Variants in FGF14 observed in about 807,000 individuals in gnomAD.
The protein encoded by FGF14 is fibroblast growth factor homologous factor 4.
FGF14 carries 5 observed loss-of-function variants against 25.5 expected under a neutral mutation model. The observed-to-expected ratio is 0.20, with a 90% confidence interval of 0.10 to 0.41. FGF14 has a LOEUF of 0.41. FGF14 is among the 10% of genes least tolerant of loss of function. FGF14 has a pLI of 1.00. For missense variants in FGF14, 222 were observed against 320.1 expected (o/e 0.69, Z 2.34); for synonymous variants, 138 against 118.3 (o/e 1.17, Z -1.08).
At chr13:101,912,929 T>C (rs187122659) in intron 1 of FGF14, among the ~76,000 whole-genome samples, 200 of 152,218 alleles carry the variant, frequency 1.3e-3, no homozygotes, top group African/African-American at 4.5e-3. Flanking sequence ...TGAGAGCCTA[T>C]GAAGATGCAG....
chr13:101,731,083 G>A (rs925545650), intron 3 of FGF14, among the ~76,000 whole-genome samples: 1 of 152,136 alleles, frequency 6.6e-6, no homozygotes, highest in Non-Finnish European at 1.5e-5. Flanking sequence ...GGAAGCCTGT[G>A]AGCCTTCAGT....
intron 3 of FGF14, among the ~76,000 whole-genome samples, chr13:101,727,907 A>G (rs544509809): frequency 6.6e-6 from 1 of 152,264 alleles, no homozygotes; most frequent in South Asian, 2.1e-4. Flanking sequence ...ACTAAAAAAT[A>G]TACACAAAGT....
At chr13:101,764,290 T>C (rs2139926689) in intron 3 of FGF14, among the ~76,000 whole-genome samples, 1 of 152,328 alleles carries the variant, frequency 6.6e-6, no homozygotes, top group Non-Finnish European at 1.5e-5. Flanking sequence ...GATTTGCGTA[T>C]GGCAATTTCA....
chr13:102,150,339 G>C (rs2047030104), intron 1 of FGF14, among the ~76,000 whole-genome samples: 1 of 151,768 alleles, frequency 6.6e-6, no homozygotes, highest in South Asian at 2.1e-4. Flanking sequence ...TTGTGACATA[G>C]AGTGGGGATG....
At chr13:102,060,900 C>A (rs1460843086) in intron 1 of FGF14, among the ~76,000 whole-genome samples, 1 of 152,152 alleles carries the variant, frequency 6.6e-6, no homozygotes, top group African/African-American at 2.4e-5. Context: ...TGGGCACGCA[C>A]ACAAGTAGCC....
At chr13:102,373,029 AT>A (rs2057934494) in intron 1 of FGF14, among the ~76,000 whole-genome samples, 1 of 152,128 alleles carries the variant, frequency 6.6e-6, no homozygotes, top group Non-Finnish European at 1.5e-5. Context: ...AACTACTTAA[AT>A]ATTTATCAGT....
chr13:101,880,757 G>T (rs1468078027), intron 1 of FGF14, among the ~76,000 whole-genome samples: 1 of 152,148 alleles, frequency 6.6e-6, no homozygotes, highest in African/African-American at 2.4e-5. Flanking sequence ...TTGATAATTT[G>T]CATATTACTC....
At chr13:102,013,586 T>A (rs1209959205) in intron 1 of FGF14, among the ~76,000 whole-genome samples, 1 of 152,186 alleles carries the variant, frequency 6.6e-6, no homozygotes, top group East Asian at 1.9e-4. Flanking sequence ...AAAGGAATTG[T>A]GCAATTCTTG....
At position 102,018,976 on chromosome 13, in the gene FGF14, T is replaced by C. The variant is rs565372848; in HGVS notation, c.209-143680A>G. 6.6e-4 allele frequency among the ~76,000 whole-genome samples: 100 copies of C among 152,280 alleles called. No homozygotes were observed. The Middle Eastern group carries it at 0.01, about 16-fold the overall frequency. ...GCATGCTCAATCAAGGCTGAGAATA[T>C]GTGTCATTATAATCTACCACATTCA... On this transcript the variant is annotated intron_variant, in intron 1 of 4. Transcript: ENST00000376131.
Position 101,890,198 on chromosome 13 carries a change from G to A in FGF14, c.194-14902C>T, listed in dbSNP as rs1193211789. Among the ~76,000 whole-genome samples the A allele has an allele frequency of 2.0e-5, 3 of 152,192 alleles. No individual in the cohort carries two copies. The South Asian group carries it at 6.2e-4, about 32-fold the overall frequency. The stretch of plus-strand genomic sequence containing the variant: ...ATGCGAGGGCTTCAGTACTAGATAG[G>A]AACAACTGCTTTTCTGCATATTTCA... On this transcript the variant is annotated intron_variant, in intron 1 of 4. Transcript: ENST00000376143.
At chr13:101,820,827 C>T (rs539048195) in intron 3 of FGF14, among the ~76,000 whole-genome samples, 12 of 151,232 alleles carry the variant, frequency 7.9e-5, no homozygotes, top group Non-Finnish European at 1.5e-4. Context: ...ACACACCACA[C>T]ACACAGATAC....
At chr13:102,278,222 A>G (rs1336361552) in intron 1 of FGF14, among the ~76,000 whole-genome samples, 1 of 152,212 alleles carries the variant, frequency 6.6e-6, no homozygotes, top group Non-Finnish European at 1.5e-5. Flanking sequence ...GGTTCTGAAG[A>G]GTGCCTTTCT....
At chr13:101,905,204 G>A (rs1441714625) in intron 1 of FGF14, among the ~76,000 whole-genome samples, 2 of 152,124 alleles carry the variant, frequency 1.3e-5, no homozygotes, top group African/African-American at 2.4e-5. Flanking sequence ...TCTGCATCAT[G>A]TTCTCTCAGA....
upstream of FGF14, among the ~76,000 whole-genome samples, chr13:101,917,306 C>T (rs1272494452): frequency 6.6e-6 from 1 of 152,156 alleles, no homozygotes; most frequent in Non-Finnish European, 1.5e-5. Context: ...ACACCCCCTC[C>T]ACCTATGTGG....
rs566197064 is a variant in FGF14 at position 102,199,164 on chromosome 13, G to A, written c.208+202307C>T. Reference sequence around the variant, plus strand: ...CTAATATTGCTTCATAGTGGAAACTGTCCATTTAAACTAAAATAAATCTTG... The same window carrying A: ...CTAATATTGCTTCATAGTGGAAACTATCCATTTAAACTAAAATAAATCTTG... On this transcript the variant is annotated intron_variant, in intron 1 of 4. Transcript: ENST00000376131. 9.2e-5 allele frequency among the ~76,000 whole-genome samples: 14 copies of A among 152,274 alleles called. 1 individual carries two copies. The East Asian group carries it at 2.5e-3, about 27-fold the overall frequency.
chr13:102,261,689 A>C (rs192068849), intron 1 of FGF14, among the ~76,000 whole-genome samples: 5 of 152,366 alleles, frequency 3.3e-5, no homozygotes, highest in Admixed American at 2.0e-4. Flanking sequence ...GGAAATATGT[A>C]AGCACATTCC....
rs2034762726 is a variant in FGF14 at position 101,717,309 on chromosome 13, T to C, written c.*5522A>G. The stretch of plus-strand genomic sequence containing the variant: ...TCATAATGTAATAGATTTATAAAAA[T>C]TGTTATCTCTATCCTGAGATTAAGG... On this transcript the variant is annotated 3_prime_UTR_variant, in exon 5 of 5. Coordinates refer to ENST00000376143, the MANE Select transcript of FGF14 (RefSeq NM_004115.4). 6.6e-6 allele frequency: 1 copy of C among 152,130 alleles called. No homozygotes were observed. The highest frequency in any genetic ancestry group is 2.1e-4 in the South Asian group (1 of 4,834). 9.4% of individuals were successfully genotyped at this position (152,130 alleles called of 1,614,324 possible).
intron 1 of FGF14, among the ~76,000 whole-genome samples, chr13:102,308,540 T>C (rs895053784): frequency 2.0e-5 from 3 of 152,134 alleles, no homozygotes; most frequent in Admixed American, 1.3e-4. Context: ...CTTCTTATAA[T>C]GTTCTAGTAA....
intron 1 of FGF14, among the ~76,000 whole-genome samples, chr13:102,267,283 A>G (rs1162506354): frequency 6.6e-6 from 1 of 152,206 alleles, no homozygotes; most frequent in Admixed American, 6.6e-5. Flanking sequence ...AGACTTCTCC[A>G]TCTTTGTGCC....
Sources: gnomAD v4.1 joint callset for allele counts (sites outside exome capture counted in the v4.1 genomes callset) on GRCh38, gnomAD v4.1.1 for gene constraint, MANE v1.5 for transcripts, NCBI Gene and HGNC (gene_info 2026-07-23, HGNC 2026-07-21) for gene names.